The following NFATC3 variants were observed in gnomAD, a reference collection of about 807,000 sequenced individuals.
The protein encoded by NFATC3 is nuclear factor of activated T-cells, cytoplasmic 3.
In NFATC3, 46 loss-of-function variants were observed where a neutral mutation model predicts 98.6. That is an observed-to-expected ratio of 0.47 (90% CI 0.37 to 0.60). The LOEUF is 0.60. NFATC3 is among the 20% of genes least tolerant of loss of function. The probability of loss-of-function intolerance (pLI) is 0.00; values close to 1 mark genes in which losing one functional copy is unlikely to be tolerated. For synonymous variants in NFATC3, 512 were observed against 472.2 expected, an observed-to-expected ratio of 1.08 and a Z score of -1.09; for missense variants, 1,256 against 1,295.5, an observed-to-expected ratio of 0.97 and a Z score of 0.47.
intron 9 of NFATC3, chr16:68,217,715 T>C (rs1366461008): frequency 8.1e-7 from 1 of 1,231,656 alleles, no homozygotes; most frequent in Non-Finnish European, 1.0e-6. Flanking sequence ...CCTTAGGTTT[T>C]GTCAAAGCAG....
At chr16:68,117,345 A>T (rs1057222815) in intron 1 of NFATC3, among the ~76,000 whole-genome samples, 1 of 152,148 alleles carries the variant, frequency 6.6e-6, no homozygotes, top group Non-Finnish European at 1.5e-5. Context: ...TTTATATCAG[A>T]TCATATATAT....
chr16:68,169,307 T>G (rs2039353395), intron 5 of NFATC3, among the ~76,000 whole-genome samples: 1 of 152,110 alleles, frequency 6.6e-6, no homozygotes, highest in Non-Finnish European at 1.5e-5. Flanking sequence ...CTCACTCTTT[T>G]GCCCAGGCTG....
chr16:68,164,913 A>G (rs1189616728), intron 4 of NFATC3, among the ~76,000 whole-genome samples: 6 of 152,236 alleles, frequency 3.9e-5, no homozygotes, highest in African/African-American at 1.2e-4. Flanking sequence ...AAAAATAAAT[A>G]AATGTAGTTT....
rs373942157 is a variant in NFATC3, at chr16:68,226,559, G to T, written c.*88G>T. 53 of 1,398,838 alleles carry T rather than the reference G, an allele frequency of 3.8e-5. No homozygotes were observed. The Middle Eastern group carries it at 1.9e-3, about 49-fold the overall frequency. The allele number at this position is 1,398,838 out of a possible 1,614,324, so 86.7% of individuals were successfully genotyped here. A position where few individuals can be genotyped will look rare whatever the true frequency, so the allele number is the denominator to read the frequency against. On this transcript the variant is annotated 3_prime_UTR_variant, in exon 10 of 10. Transcript: ENST00000346183. Reference sequence around the variant, plus strand: ...TGGGTTTCCAACTCTGCAGCCTTCAGGTCTGGGGCCAGGAGTGGGACCCAC... The same window carrying T: ...TGGGTTTCCAACTCTGCAGCCTTCATGTCTGGGGCCAGGAGTGGGACCCAC...
chr16:68,089,326 T>G lies in NFATC3; in HGVS notation c.103+3542T>G, dbSNP rs1248072120. 3.1e-6 allele frequency: 3 copies of G among 963,656 alleles called. No individual in the cohort carries two copies. The African/African-American group carries it at 5.3e-5, about 17-fold the overall frequency. The allele number at this position is 963,656 out of a possible 1,614,324, so 59.7% of individuals were successfully genotyped here. ...GATAACGCTTAATAATGTTGTATGTTGTATACATTTGTGACTGACGACTGA... is the reference window on the plus strand; with the variant it reads ...GATAACGCTTAATAATGTTGTATGTGGTATACATTTGTGACTGACGACTGA... On this transcript the variant is annotated intron_variant, in intron 1 of 9. Coordinates refer to ENST00000346183, the MANE Select transcript of NFATC3 (RefSeq NM_173165.3).
intron 1 of NFATC3, among the ~76,000 whole-genome samples, chr16:68,104,628 G>A (rs1306191820): frequency 6.9e-6 from 1 of 145,470 alleles, no homozygotes; most frequent in East Asian, 1.9e-4. Flanking sequence ...CCACTATGAT[G>A]TTAGCTGTGG....
intron 9 of NFATC3, among the ~76,000 whole-genome samples, chr16:68,204,255 A>C (rs1305175703): frequency 6.7e-6 from 1 of 148,528 alleles, no homozygotes; most frequent in African/African-American, 2.5e-5. Flanking sequence ...TCAGCTACTC[A>C]TGAGGCTGAG....
At chr16:68,113,173 C>G (rs966289561) in intron 1 of NFATC3, among the ~76,000 whole-genome samples, 9 of 152,172 alleles carry the variant, frequency 5.9e-5, no homozygotes, top group Non-Finnish European at 5.9e-5. Flanking sequence ...CACTCTGGCT[C>G]TTTGAGATTT....
rs1029047369 is a variant in NFATC3 at position 68,228,935 on chromosome 16, C to T, written c.*2464C>T. On this transcript the variant is annotated 3_prime_UTR_variant, in exon 10 of 10. Transcript: ENST00000346183. ...TGTGGTGCTGCTGCCCGGGTGTAAA[C>T]TATCCCCACCCAGGGCCAGCCATTA... The T allele has an allele frequency of 2.0e-5, 3 of 152,232 alleles. No individual in the cohort carries two copies. The highest frequency in any genetic ancestry group is 4.4e-5 in the Non-Finnish European group (3 of 68,058). 9.4% of individuals were successfully genotyped at this position (152,232 alleles called of 1,614,324 possible).
chr16:68,190,736 A>G, intron 8 of NFATC3, 32 bp from the exon 9 acceptor site: 1 of 1,560,928 alleles, frequency 6.4e-7, no homozygotes, highest in African/African-American at 1.4e-5. Flanking sequence ...TGTATTGTAT[A>G]ATAATATTTG....
Position 68,184,821 on chromosome 16 carries a change from AC to A in NFATC3, c.2098+1456del, listed in dbSNP as rs2040109152. The stretch of plus-strand genomic sequence containing the variant: ...TCTGTCTCAAAAAACAAACAAACAA[AC>A]AAACAAACAAACAAAAAACACACAA... On this transcript the variant is annotated intron_variant, in intron 8 of 9. Transcript: ENST00000346183. Among the ~76,000 whole-genome samples, 3 of 145,198 alleles carry A rather than the reference AC, an allele frequency of 2.1e-5. No homozygotes were observed. The South Asian group carries it at 6.7e-4, about 32-fold the overall frequency.
chr16:68,139,333 G>A (rs1394593001), intron 3 of NFATC3, among the ~76,000 whole-genome samples: 1 of 152,138 alleles, frequency 6.6e-6, no homozygotes, highest in African/African-American at 2.4e-5. Context: ...CATTGTAAAT[G>A]CTCAGTAAAA....
chr16:68,223,728 C>T (rs2041945750), intron 9 of NFATC3, among the ~76,000 whole-genome samples: 1 of 151,604 alleles, frequency 6.6e-6, no homozygotes, highest in Admixed American at 6.6e-5. Flanking sequence ...AACCCTGTCT[C>T]TACTAAAAAT....
intron 1 of NFATC3, among the ~76,000 whole-genome samples, chr16:68,090,731 AGTTG>A: frequency 1.3e-5 from 2 of 152,280 alleles, no homozygotes; most frequent in Non-Finnish European, 2.9e-5. Flanking sequence ...AAAAGGAGGA[AGTTG>A]GTTGGTTTCT....
chr16:68,106,577 A>G (rs907780073), intron 1 of NFATC3, among the ~76,000 whole-genome samples: 6 of 151,840 alleles, frequency 4.0e-5, no homozygotes, highest in Non-Finnish European at 5.9e-5. Context: ...GGCATGAGCC[A>G]CCACACCCAG....
At chr16:68,144,445 A>C (rs775653550) in intron 3 of NFATC3, among the ~76,000 whole-genome samples, 15 of 152,146 alleles carry the variant, frequency 9.9e-5, no homozygotes, top group Non-Finnish European at 1.9e-4. Flanking sequence ...GAAAAAAAAA[A>C]ACTTATGTTT....
chr16:68,122,642 T>C lies in NFATC3; in HGVS notation c.759T>C (p.Asn253=), dbSNP rs752243742. ...CTAGATCCAGTGTCACTGATGAGAA[T>C]TGGCTGAGCCCCAGGCCAGCCTCAG... ...HSPRSSVTDE[N]WLSPRPASGP... Residue 253 remains asparagine (N), a synonymous_variant, in exon 2 of 10, where the codon AAT becomes AAC. Transcript: ENST00000346183. The C allele has an allele frequency of 1.9e-6, 3 of 1,614,144 alleles. No homozygotes were observed. The highest frequency in any genetic ancestry group is 1.7e-6 in the Non-Finnish European group (2 of 1,180,022).
intron 4 of NFATC3, among the ~76,000 whole-genome samples, chr16:68,161,357 G>A (rs1238085585): frequency 6.6e-6 from 1 of 152,126 alleles, no homozygotes; most frequent in African/African-American, 2.4e-5. Flanking sequence ...CACAATATTC[G>A]AATCAAGTTA....
Position 68,191,192 on chromosome 16 carries a change from A to G in NFATC3, c.2523A>G (p.Leu841=). ...AGCAGGATGCAACTCTTTCTGGTTT[A>G]GTGAATCTTGGCTGTCAACCACTGT... The part of the protein sequence containing the change: ...LFQQDATLSG[L]VNLGCQPLSS... The change falls in exon 9 of 10, where the codon TTA becomes TTG. Residue 841 remains leucine (L), a synonymous_variant. Coordinates refer to ENST00000346183, the MANE Select transcript of NFATC3 (RefSeq NM_173165.3). The G allele has an allele frequency of 6.2e-7, 1 of 1,614,212 alleles. No individual in the cohort carries two copies. The highest frequency in any genetic ancestry group is 8.5e-7 in the Non-Finnish European group (1 of 1,180,036).
Sources: allele counts gnomAD v4.1 joint callset (sites outside exome capture counted in the v4.1 genomes callset), GRCh38; gene constraint gnomAD v4.1.1; transcripts MANE v1.5; gene names NCBI Gene and HGNC (gene_info 2026-07-23, HGNC 2026-07-21).